Variants in MEGF10 observed in about 807,000 individuals in gnomAD.
MEGF10 encodes the protein multiple EGF like domains 10.
Under a neutral mutation model 147.5 loss-of-function variants are expected in MEGF10, and 86 were observed. The ratio of observed to expected loss-of-function variants is 0.58; its 90% CI spans 0.49 to 0.70. The LOEUF is 0.70. Ranked by LOEUF, MEGF10 falls within the 30% of genes least tolerant of loss-of-function variation. MEGF10 has a pLI of 0.00. For synonymous variants in MEGF10, 478 were observed against 525.5 expected (o/e 0.91, Z 1.24); for missense variants, 1,329 against 1,487.3 (o/e 0.89, Z 1.75).
intron 1 of MEGF10, among the ~76,000 whole-genome samples, chr5:127,302,767 C>T (rs2898042): frequency 0.072 from 11,002 of 152,126 alleles, 696 homozygotes; most frequent in African/African-American, 0.17. Flanking sequence ...CAGCCTTCAG[C>T]GCCTTGCCAG....
At chr5:127,359,111 G>A (rs1178741109) in intron 4 of MEGF10, among the ~76,000 whole-genome samples, 3 of 150,346 alleles carry the variant, frequency 2.0e-5, no homozygotes, top group Non-Finnish European at 4.4e-5. Flanking sequence ...AAGCTTAGTA[G>A]AACATCACAT....
chr5:127,359,417 G>A (rs566016495), intron 4 of MEGF10, among the ~76,000 whole-genome samples: 18 of 151,876 alleles, frequency 1.2e-4, no homozygotes, highest in African/African-American at 4.1e-4. Context: ...CATTTTAAAA[G>A]GTACAATTTG....
intron 8 of MEGF10, among the ~76,000 whole-genome samples, chr5:127,403,894 C>T (rs929631793): frequency 2.0e-5 from 3 of 152,188 alleles, no homozygotes; most frequent in African/African-American, 7.2e-5. Context: ...AACAGTGCTG[C>T]AACAAACATA....
At chr5:127,279,416 G>T in the MEGF10 span, among the ~76,000 whole-genome samples, 8 of 152,230 alleles carry the variant, frequency 5.3e-5, no homozygotes, top group South Asian at 1.5e-3. Context: ...TTCATTGGAA[G>T]AAAGGAGATC....
At chr5:127,412,313 A>ATTATATG (rs560970357) in intron 9 of MEGF10, among the ~76,000 whole-genome samples, 151 of 152,352 alleles carry the variant, frequency 9.9e-4, no homozygotes, top group South Asian at 2.1e-3. Context: ...TTTAATGTTG[A>ATTATATG]TTATATGACT....
chr5:127,404,616 GGA>G (rs1201415410), intron 8 of MEGF10, among the ~76,000 whole-genome samples: 1 of 152,140 alleles, frequency 6.6e-6, no homozygotes, highest in African/African-American at 2.4e-5. Context: ...CAGGCTCACT[GGA>G]TGTGTGTGTA....
chr5:127,394,709 T>C (rs949534067), intron 5 of MEGF10, among the ~76,000 whole-genome samples: 2 of 151,248 alleles, frequency 1.3e-5, no homozygotes, highest in Admixed American at 6.6e-5. Flanking sequence ...AAACAACTCA[T>C]ATGAATAACA....
the MEGF10 span, among the ~76,000 whole-genome samples, chr5:127,239,438 GTA>G: frequency 1.4e-3 from 181 of 124,972 alleles, 3 homozygotes; most frequent in Middle Eastern, 8.8e-3. Flanking sequence ...AATAAACACA[GTA>G]TATATATATA....
chr5:127,287,112 C>T (rs1054895530), upstream of MEGF10, among the ~76,000 whole-genome samples: 7 of 151,874 alleles, frequency 4.6e-5, no homozygotes, highest in Non-Finnish European at 1.0e-4. Flanking sequence ...TAAACAATTT[C>T]TAGTGAACTA....
chr5:127,364,464 C>G (rs1762585252), intron 4 of MEGF10, among the ~76,000 whole-genome samples: 2 of 152,188 alleles, frequency 1.3e-5, no homozygotes, highest in Admixed American at 1.3e-4. Context: ...ATTTCCTTTA[C>G]AGACTAAGAG....
chr5:127,456,853 A>C (rs1168309966), intron 24 of MEGF10, among the ~76,000 whole-genome samples: 3 of 152,102 alleles, frequency 2.0e-5, no homozygotes, highest in Non-Finnish European at 4.4e-5. Flanking sequence ...TCAGACCATG[A>C]TTTATTTCCA....
chr5:127,264,574 C>G, the MEGF10 span, among the ~76,000 whole-genome samples: 1 of 152,058 alleles, frequency 6.6e-6, no homozygotes, highest in Non-Finnish European at 1.5e-5. Context: ...TCTGTGTCTT[C>G]GTTCTGCTTT....
In MEGF10 at chr5:127,454,624, T is replaced by C. The variant is rs745748417; in HGVS notation, c.3025+14T>C. On this transcript the variant is annotated intron_variant, in intron 23 of 24. Coordinates refer to ENST00000503335, the MANE Select transcript of MEGF10 (RefSeq NM_001256545.2). ...AATCCTTAAAAGGTATCATGTAAAT[T>C]TGAAGAAGAAATCAGAAGCACAATT... The C allele has an allele frequency of 5.4e-5, 87 of 1,601,470 alleles. No homozygotes were observed. The highest frequency in any genetic ancestry group is 3.3e-4 in the Middle Eastern group (2 of 5,996).
intron 4 of MEGF10, among the ~76,000 whole-genome samples, chr5:127,350,944 T>G (rs1169316738): frequency 6.6e-6 from 1 of 151,394 alleles, no homozygotes; most frequent in Non-Finnish European, 1.5e-5. Context: ...TGAAAACAAT[T>G]CAATTATACT....
intron 4 of MEGF10, among the ~76,000 whole-genome samples, chr5:127,349,385 T>C (rs554374495): frequency 6.6e-6 from 1 of 152,286 alleles, no homozygotes; most frequent in South Asian, 2.1e-4. Flanking sequence ...ATTTTAACTA[T>C]TTTTAAGTGT....
chr5:127,249,718 T>C, the MEGF10 span, among the ~76,000 whole-genome samples: 1 of 152,122 alleles, frequency 6.6e-6, no homozygotes, highest in Non-Finnish European at 1.5e-5. Flanking sequence ...TGGCTTATTC[T>C]GTTTTGTGCT....
upstream of MEGF10, among the ~76,000 whole-genome samples, chr5:127,287,456 G>A (rs1759062967): frequency 6.6e-6 from 1 of 151,560 alleles, no homozygotes; most frequent in South Asian, 2.1e-4. Context: ...ATGAACAATT[G>A]GAAACAAGAA....
At chr5:127,256,330 T>G in the MEGF10 span, among the ~76,000 whole-genome samples, 2 of 152,214 alleles carry the variant, frequency 1.3e-5, no homozygotes, top group Non-Finnish European at 2.9e-5. Flanking sequence ...AAAAACAACC[T>G]GTGATGACAA....
rs180802489 is a variant in MEGF10 at position 127,303,285 on chromosome 5, G to A, written c.-19+12229G>A. 4.5e-3 allele frequency among the ~76,000 whole-genome samples: 660 copies of A among 147,440 alleles called. 5 individuals carry two copies. Among genetic ancestry groups the A allele is most frequent in the African/African-American group, 0.016 (640 of 39,532 alleles). ...CAGGAGGCAGAGGTTGCAGTGAGCC[G>A]AGATTGCACTACTGCACTCCAGTCT... is the stretch of plus-strand genomic sequence containing the variant. On this transcript the variant is annotated intron_variant, in intron 1 of 24. Coordinates refer to ENST00000503335, the MANE Select transcript of MEGF10 (RefSeq NM_001256545.2).
Sources: allele counts gnomAD v4.1 joint callset (sites outside exome capture counted in the v4.1 genomes callset), GRCh38; gene constraint gnomAD v4.1.1; transcripts MANE v1.5; gene names NCBI Gene and HGNC (gene_info 2026-07-23, HGNC 2026-07-21).